The following CDHR3 variants were observed in gnomAD, a reference collection of about 807,000 sequenced individuals.
The protein encoded by CDHR3 is cadherin-related family member 3.
A neutral mutation model predicts 86.6 loss-of-function variants in CDHR3; 79 were observed. The observed-to-expected ratio is 0.91, with a 90% CI of 0.76 to 1.10. The LOEUF (loss-of-function observed/expected upper bound fraction) is 1.10. CDHR3 is among the 50% of genes least tolerant of loss of function. The probability of loss-of-function intolerance (pLI) is 0.00; values close to 1 mark genes in which losing one functional copy is unlikely to be tolerated. For missense variants in CDHR3, 1,081 were observed against 1,077.6 expected, an observed-to-expected ratio of 1.00 and a Z score of -0.04; for synonymous variants, 421 against 402.4, an observed-to-expected ratio of 1.05 and a Z score of -0.55.
At chr7:105,994,590 C>T (rs1194038317) in intron 4 of CDHR3, among the ~76,000 whole-genome samples, 161 bp from the exon 5 acceptor site, 1 of 152,184 alleles carries the variant, frequency 6.6e-6, no homozygotes, top group Non-Finnish European at 1.5e-5. Context: ...TTTCTGTATT[C>T]AAGAGCGATT....
rs1585776899 is a variant in CDHR3, at chr7:106,015,144, A to T, written c.1258A>T (p.Asn420Tyr). 6.2e-7 allele frequency: 1 copy of T among 1,610,836 alleles called. No homozygotes were observed. The change falls in exon 10 of 19, where the codon AAC becomes TAC. Residue 420 changes from asparagine to tyrosine, a missense_variant. Asn to Tyr is a moderately radical substitution (Grantham distance 143, BLOSUM62 -2). Transcript: ENST00000317716. ...IGDLDYENPS[N>Y]LAAGNKYTVI... Reference sequence around the variant, plus strand: ...TGATCTAGACTACGAAAATCCAAGTAACCTAGCAGCCGGCAATAAATATAC... The same window carrying T: ...TGATCTAGACTACGAAAATCCAAGTTACCTAGCAGCCGGCAATAAATATAC...
intron 4 of CDHR3, among the ~76,000 whole-genome samples, chr7:105,985,450 T>C (rs1413845769): frequency 2.0e-5 from 3 of 152,218 alleles, no homozygotes; most frequent in Admixed American, 6.5e-5. Context: ...ACTCGGGGAA[T>C]TGGTAACACC....
At chr7:105,997,324 T>C (rs1483041942) in intron 6 of CDHR3, among the ~76,000 whole-genome samples, 5 of 152,196 alleles carry the variant, frequency 3.3e-5, no homozygotes, top group Non-Finnish European at 4.4e-5. Context: ...TACAGTCCAG[T>C]TGCAGGTGTC....
intron 1 of CDHR3, among the ~76,000 whole-genome samples, chr7:105,963,692 T>C (rs1187825740): frequency 6.6e-6 from 1 of 152,200 alleles, no homozygotes; most frequent in East Asian, 1.9e-4. Context: ...TTTGTGAGTA[T>C]GTCAAGTGAG....
chr7:105,984,836 A>T (rs1219926862), intron 4 of CDHR3, among the ~76,000 whole-genome samples: 1 of 152,144 alleles, frequency 6.6e-6, no homozygotes, highest in Admixed American at 6.5e-5. Context: ...AGATAGGAGG[A>T]TGGCTTGAAC....
chr7:105,997,244 C>T (rs562772015), intron 6 of CDHR3, among the ~76,000 whole-genome samples: 6 of 152,220 alleles, frequency 3.9e-5, no homozygotes, highest in Non-Finnish European at 8.8e-5. Flanking sequence ...AAGGCAACCT[C>T]ACTCCCAGAC....
At chr7:106,021,198 A>C (rs1836509122) in intron 13 of CDHR3, among the ~76,000 whole-genome samples, 1 of 152,114 alleles carries the variant, frequency 6.6e-6, no homozygotes, top group Non-Finnish European at 1.5e-5. Flanking sequence ...TGGAAATTAG[A>C]CCAAAATAGC....
intron 1 of CDHR3, among the ~76,000 whole-genome samples, chr7:105,966,229 G>GAAGCTGTC (rs1826902901): frequency 6.6e-6 from 1 of 152,178 alleles, no homozygotes; most frequent in Admixed American, 6.5e-5. Flanking sequence ...ACTGCACATG[G>GAAGCTGTC]AAGCTGTCTA....
intron 17 of CDHR3, among the ~76,000 whole-genome samples, chr7:106,028,916 T>TTCTCTTTCTTTC (rs1491327817): frequency 7.2e-5 from 6 of 82,998 alleles, no homozygotes; most frequent in African/African-American, 2.6e-4. Flanking sequence ...GAGATTTAAA[T>TTCTCTTTCTTTC]TTTCTTTCTT....
intron 4 of CDHR3, among the ~76,000 whole-genome samples, chr7:105,988,904 G>C (rs930013196): frequency 1.3e-5 from 2 of 152,146 alleles, no homozygotes; most frequent in Admixed American, 1.3e-4. Flanking sequence ...GAGATATTTT[G>C]CCTTCTTTTT....
chr7:106,026,618 T>TC, intron 15 of CDHR3, 64 bp from the exon 16 acceptor site: 1 of 1,564,054 alleles, frequency 6.4e-7, no homozygotes, highest in Non-Finnish European at 8.8e-7. Flanking sequence ...CCCCATGGTG[T>TC]CATGTGTGTG....
At chr7:105,970,568 G>A (rs547052381) in intron 1 of CDHR3, among the ~76,000 whole-genome samples, 15 of 152,184 alleles carry the variant, frequency 9.9e-5, no homozygotes, top group African/African-American at 3.4e-4. Flanking sequence ...TGGAAGACCA[G>A]CCATGGAAGG....
intron 4 of CDHR3, 73 bp from the exon 5 acceptor site, chr7:105,994,678 T>C (rs1831904820): frequency 9.0e-6 from 9 of 998,780 alleles, no homozygotes; most frequent in Non-Finnish European, 1.4e-5. Flanking sequence ...AAATAGGAAA[T>C]GAGCACACAC....
At chr7:106,003,552 A>C (rs148906310) in intron 7 of CDHR3, among the ~76,000 whole-genome samples, 1 of 152,266 alleles carries the variant, frequency 6.6e-6, no homozygotes, top group Non-Finnish European at 1.5e-5. Context: ...CAGGTCAAAC[A>C]ATTTGTTCAA....
chr7:106,017,855 G>C lies in CDHR3; in HGVS notation c.1436G>C (p.Arg479Pro), dbSNP rs1302095045. ...TACTTTATTCCTCCAGCCAGAACCC[G>C]AGTGGGACAGGTGCGAGCCACTGAT... ...DVSERRPART[R>P]VGQVRATDKD... Residue 479 changes from arginine (R) to proline (P), a missense_variant, in exon 12 of 19, where the codon CGA becomes CCA. Arg to Pro is a moderately radical substitution (Grantham distance 103). Coordinates refer to ENST00000317716, the MANE Select transcript of CDHR3 (RefSeq NM_152750.5). 1 of 1,579,018 alleles carries C rather than the reference G, an allele frequency of 6.3e-7. No individual in the cohort carries two copies. Among genetic ancestry groups the C allele is most frequent in the African/African-American group, 1.4e-5 (1 of 73,822 alleles).
intron 5 of CDHR3, 100 bp downstream of exon 5, chr7:105,994,945 G>C (rs1476218305): frequency 1.1e-6 from 1 of 896,774 alleles, no homozygotes; most frequent in Admixed American, 2.0e-5. Flanking sequence ...GCTGGGGGGA[G>C]CCCCTTGAGC....
intron 8 of CDHR3, among the ~76,000 whole-genome samples, chr7:106,011,277 C>G (rs1310722502): frequency 1.1e-4 from 16 of 152,170 alleles, no homozygotes; most frequent in Non-Finnish European, 2.2e-4. Context: ...CTCCTTGAAT[C>G]TGAGCTTGAC....
In CDHR3 at chr7:105,975,028, G is replaced by A. The variant is rs1269310036; in HGVS notation, c.231G>A (p.Leu77=). The change falls in exon 2 of 19, where the codon CTG becomes CTA. Residue 77 remains leucine, a synonymous_variant. Transcript: ENST00000317716. ...CTGAAGCTTTTAGGGTGAATTGGCT[G>A]TCAGGCACCTACTTTGAGGTAAGTA... ...PLTEAFRVNW[L]SGTYFEVVTT... 1.1e-5 allele frequency: 18 copies of A among 1,613,754 alleles called. No homozygotes were observed. Among genetic ancestry groups the A allele is most frequent in the Non-Finnish European group, 1.4e-5 (17 of 1,179,770 alleles).
intron 6 of CDHR3, among the ~76,000 whole-genome samples, chr7:105,997,075 A>G (rs1254315275): frequency 1.3e-5 from 2 of 152,166 alleles, no homozygotes; most frequent in Admixed American, 6.5e-5. Flanking sequence ...AGTCCCTGAG[A>G]TGGGCATAGA....
Sources: allele counts gnomAD v4.1 joint callset (sites outside exome capture counted in the v4.1 genomes callset), GRCh38; gene constraint gnomAD v4.1.1; transcripts MANE v1.5; gene names NCBI Gene and HGNC (gene_info 2026-07-23, HGNC 2026-07-21).